KCNJ12: variants seen among roughly 807,000 people sequenced by gnomAD.
The protein encoded by KCNJ12 is potassium inwardly rectifying channel subfamily J member 12.
In KCNJ12, 2 loss-of-function variants were observed where a neutral mutation model predicts 22.3. The observed-to-expected ratio is 0.09, with a 90% CI of 0.04 to 0.28. The LOEUF (loss-of-function observed/expected upper bound fraction) is 0.28. KCNJ12 is among the 10% of genes least tolerant of loss of function. The pLI is 1.00. For missense variants in KCNJ12, 155 were observed against 633.3 expected, an observed-to-expected ratio of 0.24 and a Z score of 8.11; for synonymous variants, 117 against 261.4, an observed-to-expected ratio of 0.45 and a Z score of 5.33.
intron 1 of KCNJ12, among the ~76,000 whole-genome samples, chr17:21,387,757 T>A (rs1242346544): frequency 3.9e-5 from 6 of 152,324 alleles, no homozygotes; most frequent in African/African-American, 1.4e-4. Flanking sequence ...GCGCTCACTT[T>A]TAGGTTTCCC....
At chr17:21,407,790 TCCA>T (rs1906057268) in intron 1 of KCNJ12, among the ~76,000 whole-genome samples, 1 of 151,686 alleles carries the variant, frequency 6.6e-6, no homozygotes, top group Non-Finnish European at 1.5e-5. Flanking sequence ...CATCCTATTA[TCCA>T]TTCATCCACT....
In KCNJ12 at chr17:21,415,683, C is replaced by T. The variant is rs148229779; in HGVS notation, c.341C>T (p.Pro114Leu). 21 of 1,613,022 alleles carry T rather than the reference C, an allele frequency of 1.3e-5. No homozygotes were observed. The highest frequency in any genetic ancestry group is 1.2e-4 in the African/African-American group (9 of 74,940). Residue 114 changes from proline to leucine, a missense_variant, in exon 3 of 3, where the codon CCG (proline) becomes CTG (leucine). Coordinates refer to ENST00000583088, the MANE Select transcript of KCNJ12 (RefSeq NM_021012.5). ...VIAVAHGDLE[P>L]AEGRGRTPCV... is the part of the protein sequence containing the mutation. ...GCGGTGGCACACGGTGACCTGGAGC[C>T]GGCTGAGGGCCGGGGCCGCACACCC...
chr17:21,395,568 CA>C (rs10652801), intron 1 of KCNJ12, among the ~76,000 whole-genome samples: 596 of 48,046 alleles, frequency 0.012, no homozygotes, highest in African/African-American at 0.047. Flanking sequence ...GACTTCTTCT[CA>C]AAAAAAAAAA....
chr17:21,377,663 G>A (rs1414191112), intron 1 of KCNJ12, among the ~76,000 whole-genome samples: 2 of 152,168 alleles, frequency 1.3e-5, no homozygotes, highest in African/African-American at 4.8e-5. Context: ...CAGCTGGGGT[G>A]GGGCGCTCCT....
intron 2 of KCNJ12, among the ~76,000 whole-genome samples, chr17:21,410,934 A>G (rs1450993256): frequency 2.0e-5 from 3 of 152,306 alleles, no homozygotes; most frequent in Admixed American, 1.3e-4. Context: ...TAAGCACTTG[A>G]TAGATACTGA....
intron 1 of KCNJ12, among the ~76,000 whole-genome samples, chr17:21,382,916 T>TGACACCTCCACTGTGGGAGCGG (rs1303455586): frequency 6.6e-6 from 1 of 152,198 alleles, no homozygotes; most frequent in Non-Finnish European, 1.5e-5. Flanking sequence ...GGGTGCGACG[T>TGACACCTCCACTGTGGGAGCGG]GACACCTCCA....
intron 2 of KCNJ12, among the ~76,000 whole-genome samples, chr17:21,410,166 T>C (rs1402687203): frequency 1.3e-5 from 2 of 152,156 alleles, no homozygotes; most frequent in Non-Finnish European, 2.9e-5. Context: ...CCTGGCTGCC[T>C]GTGCCCAGCC....
chr17:21,396,617 T>C (rs1240331717), intron 1 of KCNJ12, among the ~76,000 whole-genome samples: 1 of 151,718 alleles, frequency 6.6e-6, no homozygotes, highest in African/African-American at 2.4e-5. Context: ...ATCAGCCCCG[T>C]GTTGATGGGG....
intron 1 of KCNJ12, among the ~76,000 whole-genome samples, chr17:21,383,444 G>A (rs374438579): frequency 6.6e-6 from 1 of 152,230 alleles, no homozygotes; most frequent in East Asian, 1.9e-4. Flanking sequence ...GCCGGAGGGG[G>A]CGGGTCCTGG....
intron 1 of KCNJ12, among the ~76,000 whole-genome samples, chr17:21,377,650 A>G (rs1904712524): frequency 2.6e-5 from 4 of 151,944 alleles, no homozygotes; most frequent in African/African-American, 9.7e-5. Context: ...TCATGGGCAG[A>G]GACAGCTGGG....
chr17:21,390,457 G>A (rs1376466982), intron 1 of KCNJ12, among the ~76,000 whole-genome samples: 5 of 152,228 alleles, frequency 3.3e-5, no homozygotes, highest in African/African-American at 4.8e-5. Context: ...TGGAGAAGGG[G>A]CCCAGACCTG....
intron 1 of KCNJ12, among the ~76,000 whole-genome samples, chr17:21,398,126 C>G (rs1326562284): frequency 1.3e-5 from 2 of 151,572 alleles, no homozygotes; most frequent in African/African-American, 4.9e-5. Flanking sequence ...TGTGTCCATG[C>G]CTGTGTACAT....
chr17:21,394,478 C>T (rs1905286594), intron 1 of KCNJ12, among the ~76,000 whole-genome samples: 1 of 152,176 alleles, frequency 6.6e-6, no homozygotes, highest in African/African-American at 2.4e-5. Context: ...GCATGTATTC[C>T]ATCGTTAATC....
intron 1 of KCNJ12, among the ~76,000 whole-genome samples, chr17:21,393,305 C>T (rs1329297851): frequency 6.6e-6 from 1 of 152,166 alleles, no homozygotes; most frequent in East Asian, 1.9e-4. Context: ...GGGTCTGGCT[C>T]TGGCGGATGG....
intron 1 of KCNJ12, among the ~76,000 whole-genome samples, chr17:21,399,428 C>A (rs1467900477): frequency 6.6e-6 from 1 of 152,184 alleles, no homozygotes; most frequent in Non-Finnish European, 1.5e-5. Flanking sequence ...GCTTTCTGAG[C>A]AGACATTGCT....
chr17:21,384,877 A>G (rs758285177), intron 1 of KCNJ12, among the ~76,000 whole-genome samples: 3 of 147,904 alleles, frequency 2.0e-5, no homozygotes, highest in Middle Eastern at 3.7e-3. Context: ...GGTTCACGCC[A>G]TTCTCCTGCC....
intron 2 of KCNJ12, among the ~76,000 whole-genome samples, chr17:21,413,617 A>G (rs1317638379): frequency 2.0e-5 from 3 of 152,184 alleles, no homozygotes; most frequent in Non-Finnish European, 2.9e-5. Flanking sequence ...GCTGCCATCC[A>G]GATGTGGCTG....
chr17:21,380,770 C>T (rs1904836854), intron 1 of KCNJ12, among the ~76,000 whole-genome samples: 1 of 151,894 alleles, frequency 6.6e-6, no homozygotes, highest in Non-Finnish European at 1.5e-5. Context: ...GGCAGGGCAG[C>T]GAGTTGCTGT....
chr17:21,390,247 G>C (rs1293478304), intron 1 of KCNJ12, among the ~76,000 whole-genome samples: 1 of 152,134 alleles, frequency 6.6e-6, no homozygotes, highest in Non-Finnish European at 1.5e-5. Context: ...CTGTCTCAAG[G>C]CTCCCTCCCT....
Sources: allele counts gnomAD v4.1 joint callset (sites outside exome capture counted in the v4.1 genomes callset), GRCh38; gene constraint gnomAD v4.1.1; transcripts MANE v1.5; gene names NCBI Gene and HGNC (gene_info 2026-07-23, HGNC 2026-07-21).